TBCA: variants seen among roughly 807,000 people sequenced by gnomAD.
The protein encoded by TBCA is tubulin-specific chaperone A.
Under a neutral mutation model 15.8 loss-of-function variants are expected in TBCA, and 6 were observed. That is an observed-to-expected ratio of 0.38 (90% confidence interval 0.21 to 0.75). The LOEUF is 0.75. Ranked by LOEUF, TBCA falls within the 30% of genes least tolerant of loss-of-function variation. The pLI is 0.46. For synonymous variants in TBCA, 32 were observed against 42.3 expected, an observed-to-expected ratio of 0.76 and a Z score of 0.94; for missense variants, 90 against 131.2, an observed-to-expected ratio of 0.69 and a Z score of 1.53.
At chr5:77,764,383 C>G (rs921029239) in intron 1 of TBCA, among the ~76,000 whole-genome samples, 1 of 152,030 alleles carries the variant, frequency 6.6e-6, no homozygotes, top group African/African-American at 2.4e-5. Flanking sequence ...GTGCATGGAC[C>G]AATAATGAGT....
At chr5:77,773,196 TA>T (rs1338850478) in intron 1 of TBCA, among the ~76,000 whole-genome samples, 1 of 152,196 alleles carries the variant, frequency 6.6e-6, no homozygotes, top group Non-Finnish European at 1.5e-5. Context: ...TATTTTCAAA[TA>T]TACATCTCAA....
At chr5:77,692,267 G>A in intron 3 of TBCA, 1 of 985,318 alleles carries the variant, frequency 1.0e-6, no homozygotes, top group Non-Finnish European at 1.2e-6. Flanking sequence ...TATGAAAACT[G>A]AAAGCAAAAC....
chr5:77,734,406 G>A (rs1202763338), intron 1 of TBCA, among the ~76,000 whole-genome samples: 1 of 152,194 alleles, frequency 6.6e-6, no homozygotes, highest in Non-Finnish European at 1.5e-5. Flanking sequence ...TTCACGGGAG[G>A]AGGTCAAAAT....
intron 1 of TBCA, chr5:77,715,265 A>G (rs1746371816): frequency 2.8e-6 from 2 of 702,312 alleles, no homozygotes; most frequent in South Asian, 3.0e-5. Context: ...TTGAAGACGA[A>G]AACCAAGAAA....
chr5:77,747,475 A>T (rs1282487251), intron 1 of TBCA, among the ~76,000 whole-genome samples: 2 of 152,184 alleles, frequency 1.3e-5, no homozygotes, highest in Non-Finnish European at 2.9e-5. Context: ...TGGAAAATGC[A>T]CTGTGCTATA....
chr5:77,698,153 G>C (rs1239173198), intron 2 of TBCA, among the ~76,000 whole-genome samples: 2 of 141,486 alleles, frequency 1.4e-5, no homozygotes, highest in Non-Finnish European at 3.2e-5. Flanking sequence ...AAACCAAAAA[G>C]CTGGTTTCTT....
intron 1 of TBCA, among the ~76,000 whole-genome samples, chr5:77,751,539 T>C (rs1051386964): frequency 3.3e-5 from 5 of 151,428 alleles, no homozygotes; most frequent in Middle Eastern, 6.8e-3. Context: ...TCCATTAAGA[T>C]GGTTGGGGGT....
intron 1 of TBCA, among the ~76,000 whole-genome samples, chr5:77,712,526 TTAAGA>T (rs1466691779): frequency 6.6e-6 from 1 of 152,132 alleles, no homozygotes; most frequent in Non-Finnish European, 1.5e-5. Context: ...AAAATTTGTA[TTAAGA>T]TATTTTTCTG....
At chr5:77,735,116 T>C (rs1308815759) in intron 1 of TBCA, among the ~76,000 whole-genome samples, 1 of 152,196 alleles carries the variant, frequency 6.6e-6, no homozygotes, top group African/African-American at 2.4e-5. Flanking sequence ...ATTGTGATGG[T>C]CTGGAACTGA....
At chr5:77,705,970 G>A (rs1443715388) in intron 2 of TBCA, among the ~76,000 whole-genome samples, 8 of 152,086 alleles carry the variant, frequency 5.3e-5, no homozygotes, top group Admixed American at 5.2e-4. Flanking sequence ...AATAAAGGAA[G>A]ATGGCCTCTC....
chr5:77,692,921 T>G, intron 3 of TBCA: 1 of 1,241,224 alleles, frequency 8.1e-7, no homozygotes, highest in Middle Eastern at 3.2e-4. Flanking sequence ...CTTTTAAAAT[T>G]TTAATCAGTC....
intron 1 of TBCA, chr5:77,715,255 T>C (rs1029788148): frequency 2.3e-5 from 16 of 702,220 alleles, no homozygotes; most frequent in East Asian, 1.3e-4. Context: ...CTCCAGCAAA[T>C]TGAAGACGAA....
chr5:77,750,147 T>TAGAGAG (rs200338508), intron 1 of TBCA, among the ~76,000 whole-genome samples: 1 of 150,534 alleles, frequency 6.6e-6, no homozygotes, highest in African/African-American at 2.5e-5. Context: ...TCTCTATATA[T>TAGAGAG]ATAGAGAGAG....
At chr5:77,756,514 T>C (rs1383418388) in intron 1 of TBCA, among the ~76,000 whole-genome samples, 1 of 151,940 alleles carries the variant, frequency 6.6e-6, no homozygotes, top group Non-Finnish European at 1.5e-5. Flanking sequence ...CTCAGGTGAA[T>C]GTGCAGACAA....
At chr5:77,710,097 C>T (rs1348638819) in intron 1 of TBCA, among the ~76,000 whole-genome samples, 1 of 152,084 alleles carries the variant, frequency 6.6e-6, no homozygotes, top group Admixed American at 6.5e-5. Flanking sequence ...GATAGTTGCA[C>T]AACTCTGTGA....
At chr5:77,728,164 A>G (rs149342042) in intron 1 of TBCA, among the ~76,000 whole-genome samples, 9 of 152,290 alleles carry the variant, frequency 5.9e-5, no homozygotes, top group Admixed American at 5.2e-4. Flanking sequence ...AGAATAATAC[A>G]TTTCAAAACT....
chr5:77,740,902 C>T (rs567369605), intron 1 of TBCA, among the ~76,000 whole-genome samples: 52 of 152,244 alleles, frequency 3.4e-4, no homozygotes, highest in Middle Eastern at 6.8e-3. Context: ...CAGTACATGA[C>T]ATATATTGAT....
At position 77,692,912 on chromosome 5, in the gene TBCA, T is replaced by A. The variant is rs369167022; in HGVS notation, c.246+354A>T. On this transcript the variant is annotated intron_variant, in intron 3 of 3. Transcript: ENST00000380377. ...CCAAATTCTTTTGAAACATTAGATC[T>A]TTTAAAATTTTAATCAGTCAACTCA... is the stretch of plus-strand genomic sequence containing the variant. The A allele has an allele frequency of 1.4e-4, 175 of 1,226,508 alleles. 2 individuals are homozygous for A. The African/African-American group carries it at 2.4e-3, about 17-fold the overall frequency. 76.0% of individuals were successfully genotyped at this position (1,226,508 alleles called of 1,614,324 possible).
At chr5:77,728,222 C>T (rs541542749) in intron 1 of TBCA, among the ~76,000 whole-genome samples, 1 of 152,140 alleles carries the variant, frequency 6.6e-6, no homozygotes, top group South Asian at 2.1e-4. Context: ...GGCACCTCTA[C>T]CTAAATGAAA....
Sources: gnomAD v4.1 joint callset for allele counts (sites outside exome capture counted in the v4.1 genomes callset) on GRCh38, gnomAD v4.1.1 for gene constraint, MANE v1.5 for transcripts, NCBI Gene and HGNC (gene_info 2026-07-23, HGNC 2026-07-21) for gene names.